CDK5RAP2: variants seen among roughly 807,000 people sequenced by gnomAD.
CDK5RAP2 encodes CDK5 regulatory subunit associated protein 2.
A neutral mutation model predicts 232.9 loss-of-function variants in CDK5RAP2; 147 were observed. That is an observed-to-expected ratio of 0.63 (90% CI 0.55 to 0.72). The LOEUF is 0.72. CDK5RAP2 is among the 30% of genes least tolerant of loss of function. CDK5RAP2 has a pLI of 0.00. For missense variants in CDK5RAP2, 2,195 were observed against 2,231.5 expected, an observed-to-expected ratio of 0.98 and a Z score of 0.33; for synonymous variants, 833 against 833.7, an observed-to-expected ratio of 1.00 and a Z score of 0.01.
intron 5 of CDK5RAP2, among the ~76,000 whole-genome samples, chr9:120,543,012 T>C (rs551263411): frequency 2.1e-4 from 32 of 152,218 alleles, no homozygotes; most frequent in African/African-American, 7.5e-4. Context: ...AGCAAGAACA[T>C]TTTAGCATCC....
chr9:120,413,162 G>A (rs535082559), intron 28 of CDK5RAP2, among the ~76,000 whole-genome samples: 3 of 152,322 alleles, frequency 2.0e-5, no homozygotes, highest in East Asian at 3.9e-4. Flanking sequence ...AAGCTAAGGT[G>A]GTAGCTTTGG....
In CDK5RAP2 at chr9:120,550,701, C is replaced by T. The variant is rs1365540479; in HGVS notation, c.306+91G>A. ...TTAAATGAAAGCATCTCTATTCATA[C>T]TAACTCTAAGAACAAATATTAATCA... On this transcript the variant is annotated intron_variant, in intron 4 of 37. Coordinates refer to ENST00000349780, the MANE Select transcript of CDK5RAP2 (RefSeq NM_018249.6). The T allele has an allele frequency of 6.1e-6, 5 of 823,876 alleles. No individual in the cohort carries two copies. The East Asian group carries it at 1.2e-4, about 20-fold the overall frequency. 51.0% of individuals were successfully genotyped at this position (823,876 alleles called of 1,614,324 possible).
intron 18 of CDK5RAP2, among the ~76,000 whole-genome samples, chr9:120,465,960 C>T (rs541433889): frequency 2.0e-5 from 3 of 152,154 alleles, no homozygotes; most frequent in African/African-American, 4.8e-5. Context: ...AGGAACACTT[C>T]CAAACGTTAA....
intron 14 of CDK5RAP2, among the ~76,000 whole-genome samples, 192 bp downstream of exon 14, chr9:120,487,102 A>G (rs1209645472): frequency 6.6e-6 from 1 of 152,246 alleles, no homozygotes; most frequent in South Asian, 2.1e-4. Flanking sequence ...TGTGCAGTGC[A>G]AAGACTAATA....
chr9:120,525,306 C>T (rs1313231168), intron 10 of CDK5RAP2, among the ~76,000 whole-genome samples: 1 of 152,214 alleles, frequency 6.6e-6, no homozygotes, highest in Non-Finnish European at 1.5e-5. Context: ...GAGGATACCA[C>T]CGCTCACCCA....
chr9:120,427,591 A>C (rs1183136061), intron 25 of CDK5RAP2, among the ~76,000 whole-genome samples: 1 of 151,914 alleles, frequency 6.6e-6, no homozygotes, highest in African/African-American at 2.4e-5. Flanking sequence ...GCTATAAACA[A>C]ACCGGGGGTG....
chr9:120,472,158 C>T (rs529726582), intron 15 of CDK5RAP2, among the ~76,000 whole-genome samples: 61 of 152,290 alleles, frequency 4.0e-4, no homozygotes, highest in South Asian at 2.7e-3. Flanking sequence ...ACATACAATG[C>T]TGATATGCAT....
chr9:120,531,857 C>A (rs1345534138), intron 7 of CDK5RAP2, among the ~76,000 whole-genome samples: 2 of 152,162 alleles, frequency 1.3e-5, no homozygotes, highest in African/African-American at 4.8e-5. Flanking sequence ...TGCAATGCCC[C>A]AGAAAACCTG....
intron 32 of CDK5RAP2, 41 bp downstream of exon 32, chr9:120,406,971 G>A (rs2033487168): frequency 1.4e-6 from 2 of 1,423,044 alleles, no homozygotes; most frequent in Non-Finnish European, 2.0e-6. Context: ...CAGATGCTCA[G>A]AGCTGCATTC....
At chr9:120,408,561 G>C (rs1179688692) in intron 30 of CDK5RAP2, 93 bp from the exon 31 acceptor site, 2 of 1,371,406 alleles carry the variant, frequency 1.5e-6, no homozygotes, top group African/African-American at 1.4e-5. Flanking sequence ...TCCACCCTCA[G>C]TCACAAGAGT....
Position 120,403,086 on chromosome 9 carries a change from G to A in CDK5RAP2, c.5042-15C>T. On this transcript the variant is annotated splice_polypyrimidine_tract_variant and intron_variant, in intron 33 of 37. Coordinates refer to ENST00000349780, the MANE Select transcript of CDK5RAP2 (RefSeq NM_018249.6). The surrounding 1 kb of genome is among the most constrained non-coding windows in gnomAD (Gnocchi z 4.2). ...AGTCTCTGAAACTGTAAAATGAGAA[G>A]TAGGATGTAAAATCTGTTTCAGGTA... 6.2e-7 allele frequency: 1 copy of A among 1,613,670 alleles called. No homozygotes were observed.
chr9:120,501,762 T>A (rs1362193414), intron 12 of CDK5RAP2, among the ~76,000 whole-genome samples: 1 of 152,144 alleles, frequency 6.6e-6, no homozygotes, highest in African/African-American at 2.4e-5. Context: ...CTGAAGACCA[T>A]GAGTAACCTG....
chr9:120,501,875 G>A (rs1326461435), intron 12 of CDK5RAP2, among the ~76,000 whole-genome samples: 3 of 152,176 alleles, frequency 2.0e-5, no homozygotes, highest in African/African-American at 7.2e-5. Flanking sequence ...AATTTGTTAT[G>A]CAGCAATAGA....
At chr9:120,453,932 C>T (rs1588380321) in intron 20 of CDK5RAP2, 59 bp from the exon 21 acceptor site, 50 of 1,556,144 alleles carry the variant, frequency 3.2e-5, no homozygotes, top group Admixed American at 1.7e-5. Flanking sequence ...GCCTTGTCCC[C>T]TAGCCAGTAT....
intron 35 of CDK5RAP2, among the ~76,000 whole-genome samples, chr9:120,396,579 G>T (rs543523940): frequency 1.0e-3 from 157 of 152,298 alleles, no homozygotes; most frequent in Non-Finnish European, 1.8e-3. Context: ...CCGGGGCTCA[G>T]TGTCTCCCCA....
Position 120,568,501 on chromosome 9 carries a change from C to G in CDK5RAP2, c.128-113G>C, listed in dbSNP as rs1425502025. 3.7e-6 allele frequency: 3 copies of G among 806,642 alleles called. No individual in the cohort carries two copies. The South Asian group carries it at 4.0e-5, about 11-fold the overall frequency. The allele number at this position is 806,642 out of a possible 1,614,324, so 50.0% of individuals were successfully genotyped here. ...ACACGAACTGCTTCCACAGTACACG[C>G]GGCTGGTACTTGCTGTCTTTTGTGA... On this transcript the variant is annotated intron_variant, in intron 2 of 37. Transcript: ENST00000349780.
At chr9:120,439,031 A>C (rs191212197) in intron 24 of CDK5RAP2, among the ~76,000 whole-genome samples, 1 of 152,288 alleles carries the variant, frequency 6.6e-6, no homozygotes, top group East Asian at 1.9e-4. Context: ...AGCACAGCAA[A>C]AGCCAGTAAC....
chr9:120,549,718 A>G (rs753614450), intron 4 of CDK5RAP2, among the ~76,000 whole-genome samples: 15 of 152,304 alleles, frequency 9.8e-5, no homozygotes, highest in African/African-American at 1.2e-4. Context: ...ATCACCCAAG[A>G]GGTTCTAGAC....
chr9:120,473,190 G>A (rs1247990615), intron 15 of CDK5RAP2, among the ~76,000 whole-genome samples: 2 of 152,106 alleles, frequency 1.3e-5, no homozygotes, highest in Non-Finnish European at 2.9e-5. Flanking sequence ...GCAATTACTG[G>A]GTCAAAGTAT....
Sources: allele counts gnomAD v4.1 joint callset (sites outside exome capture counted in the v4.1 genomes callset), GRCh38; gene constraint gnomAD v4.1.1; non-coding constraint Gnocchi (gnomAD v3.1); transcripts MANE v1.5; gene names NCBI Gene and HGNC (gene_info 2026-07-23, HGNC 2026-07-21).